Variants in CCSER1 observed in about 807,000 individuals in gnomAD.
CCSER1 encodes the protein coiled-coil serine rich protein 1.
In CCSER1, 41 loss-of-function variants were observed where a neutral mutation model predicts 82.0. The ratio of observed to expected loss-of-function variants is 0.50; its 90% CI spans 0.39 to 0.65. CCSER1 has a LOEUF of 0.65. Among genes scored for constraint, CCSER1 ranks in the 30% least tolerant of loss-of-function variants. CCSER1 has a pLI of 0.00. For missense variants in CCSER1, 1,119 were observed against 1,064.2 expected (o/e 1.05, Z -0.72); for synonymous variants, 414 against 383.9 (o/e 1.08, Z -0.92).
intron 10 of CCSER1, among the ~76,000 whole-genome samples, chr4:91,463,450 C>A (rs1217559643): frequency 6.6e-6 from 1 of 152,188 alleles, no homozygotes; most frequent in Non-Finnish European, 1.5e-5. Flanking sequence ...ATCAGAGCAC[C>A]TCTCCTCCTC....
intron 3 of CCSER1, among the ~76,000 whole-genome samples, chr4:90,323,709 T>A (rs1168909493): frequency 6.6e-6 from 1 of 152,124 alleles, no homozygotes; most frequent in East Asian, 1.9e-4. Flanking sequence ...AGAGTACATG[T>A]GCACAATGTG....
chr4:90,688,969 G>C (rs1420504689), intron 6 of CCSER1, among the ~76,000 whole-genome samples: 1 of 151,942 alleles, frequency 6.6e-6, no homozygotes, highest in South Asian at 2.1e-4. Flanking sequence ...CATATATCTG[G>C]GCTAAGAAAG....
intron 7 of CCSER1, among the ~76,000 whole-genome samples, chr4:90,731,504 T>A (rs2149404134): frequency 6.6e-6 from 1 of 152,276 alleles, no homozygotes; most frequent in Admixed American, 6.5e-5. Flanking sequence ...AAATCAATAA[T>A]TATGGTTTAG....
At chr4:90,368,581 A>G (rs937686712) in intron 3 of CCSER1, among the ~76,000 whole-genome samples, 2 of 151,920 alleles carry the variant, frequency 1.3e-5, no homozygotes, top group East Asian at 3.9e-4. Context: ...GAAGTGAGCC[A>G]TGATGGCACT....
At chr4:90,566,868 C>T (rs1779461641) in intron 5 of CCSER1, among the ~76,000 whole-genome samples, 1 of 152,038 alleles carries the variant, frequency 6.6e-6, no homozygotes. Flanking sequence ...TCCCAAAGTG[C>T]TGGGATTACA....
At chr4:91,081,145 T>A (rs1395009463) in intron 9 of CCSER1, among the ~76,000 whole-genome samples, 2 of 152,182 alleles carry the variant, frequency 1.3e-5, no homozygotes, top group South Asian at 2.1e-4. Flanking sequence ...TGAACATCGA[T>A]GCAAAAATCC....
intron 7 of CCSER1, among the ~76,000 whole-genome samples, chr4:90,786,670 C>T (rs963568486): frequency 2.0e-5 from 3 of 152,194 alleles, no homozygotes; most frequent in African/African-American, 7.2e-5. Context: ...TGTTTTTCCT[C>T]TACTCTCATA....
At chr4:91,509,384 A>C (rs999284729) in intron 10 of CCSER1, among the ~76,000 whole-genome samples, 4 of 152,038 alleles carry the variant, frequency 2.6e-5, no homozygotes, top group African/African-American at 9.7e-5. Flanking sequence ...CGCATTTGTA[A>C]ATTCCTCAAT....
intron 10 of CCSER1, among the ~76,000 whole-genome samples, chr4:91,316,159 A>C (rs1296363462): frequency 6.6e-6 from 1 of 151,970 alleles, no homozygotes; most frequent in Non-Finnish European, 1.5e-5. Context: ...AGCCATATGG[A>C]AGTGTGAGTG....
chr4:91,590,226 A>T (rs1415587447), intron 10 of CCSER1, among the ~76,000 whole-genome samples: 1 of 152,074 alleles, frequency 6.6e-6, no homozygotes, highest in Non-Finnish European at 1.5e-5. Context: ...AGCGAGGTTG[A>T]ACCAGAAGAA....
At chr4:91,311,249 G>T (rs1268303083) in intron 10 of CCSER1, among the ~76,000 whole-genome samples, 1 of 151,858 alleles carries the variant, frequency 6.6e-6, no homozygotes, top group African/African-American at 2.4e-5. Context: ...AAAAAGCTGT[G>T]CATATGTCTG....
intron 9 of CCSER1, among the ~76,000 whole-genome samples, chr4:90,968,852 TATCTA>T (rs1340537733): frequency 6.7e-6 from 1 of 148,450 alleles, no homozygotes; most frequent in Non-Finnish European, 1.5e-5. Context: ...ATCTATGAAA[TATCTA>T]AAAAAAAATC....
chr4:91,003,315 A>G (rs981682047), intron 9 of CCSER1, among the ~76,000 whole-genome samples: 1 of 152,160 alleles, frequency 6.6e-6, no homozygotes, highest in Non-Finnish European at 1.5e-5. Context: ...GTCTTCAGTT[A>G]CCAGGGTTGG....
intron 10 of CCSER1, among the ~76,000 whole-genome samples, chr4:91,423,398 T>G (rs1433547886): frequency 6.6e-6 from 1 of 151,752 alleles, no homozygotes; most frequent in Non-Finnish European, 1.5e-5. Context: ...CCACTGCAAT[T>G]CAGCCTGGGT....
intron 5 of CCSER1, among the ~76,000 whole-genome samples, chr4:90,545,712 A>G (rs1433600021): frequency 6.6e-6 from 1 of 152,158 alleles, no homozygotes; most frequent in Non-Finnish European, 1.5e-5. Context: ...ATTTGGTTCA[A>G]GCATGAATAT....
intron 10 of CCSER1, among the ~76,000 whole-genome samples, chr4:91,513,176 G>C (rs906259885): frequency 6.6e-6 from 1 of 152,064 alleles, no homozygotes; most frequent in Non-Finnish European, 1.5e-5. Context: ...TTTTATCATG[G>C]AGGGATTTTG....
At chr4:90,877,510 C>T (rs1373244326) in intron 8 of CCSER1, among the ~76,000 whole-genome samples, 8 of 151,862 alleles carry the variant, frequency 5.3e-5, no homozygotes, top group Non-Finnish European at 1.2e-4. Flanking sequence ...TTCCTATTTG[C>T]CAGTCGAGGG....
chr4:90,561,271 A>G (rs1165522448), intron 5 of CCSER1, among the ~76,000 whole-genome samples: 3 of 152,212 alleles, frequency 2.0e-5, no homozygotes, highest in African/African-American at 7.2e-5. Flanking sequence ...AAAATTATTA[A>G]TTTAAGAGAT....
chr4:90,425,594 A>G lies in CCSER1; in HGVS notation c.1603+25465A>G, dbSNP rs184593845. Among the ~76,000 whole-genome samples the G allele has an allele frequency of 2.7e-3, 411 of 152,308 alleles. 3 individuals carry two copies. Among genetic ancestry groups the G allele is most frequent in the Admixed American group, 6.7e-3 (102 of 15,294 alleles). On this transcript the variant is annotated intron_variant, in intron 4 of 10. Coordinates refer to ENST00000509176, the MANE Select transcript of CCSER1 (RefSeq NM_001145065.2). ...GCAGGTCTTTCCCAAATGGATTTTC[A>G]TAACAGCTGCCAGAGTAATAATCTA...
Sources: allele counts gnomAD v4.1 joint callset (sites outside exome capture counted in the v4.1 genomes callset), GRCh38; gene constraint gnomAD v4.1.1; transcripts MANE v1.5; gene names NCBI Gene and HGNC (gene_info 2026-07-23, HGNC 2026-07-21).